Variants in CEP112 observed in about 807,000 individuals in gnomAD.
CEP112 encodes the protein centrosomal protein 112.
In CEP112, 127 loss-of-function variants were observed where a neutral mutation model predicts 153.0. That is an observed-to-expected ratio of 0.83 (90% confidence interval 0.72 to 0.96). The LOEUF (loss-of-function observed/expected upper bound fraction) is 0.96, where lower values mean the gene tolerates loss of function less well. CEP112 is among the 40% of genes least tolerant of loss of function. The pLI is 0.00. For synonymous variants in CEP112, 358 were observed against 374.4 expected (o/e 0.96, Z 0.51); for missense variants, 1,089 against 1,101.2 (o/e 0.99, Z 0.16).
At chr17:65,816,844 GTT>G (rs1053816761) in intron 21 of CEP112, among the ~76,000 whole-genome samples, 1 of 151,930 alleles carries the variant, frequency 6.6e-6, no homozygotes. Flanking sequence ...TTCTGAAACA[GTT>G]TGTGTTGAAA....
rs534237329 is a variant in CEP112 at position 66,101,070 on chromosome 17, G to A, written c.643-4438C>T. ...TGAATAAAATCCGATGTGATATGCC[G>A]AATATCTTTCAGAGTATAATATAAA... On this transcript the variant is annotated intron_variant, in intron 6 of 26. Coordinates refer to ENST00000535342, the MANE Select transcript of CEP112 (RefSeq NM_001199165.4). Among the ~76,000 whole-genome samples the A allele has an allele frequency of 4.3e-4, 66 of 152,114 alleles. 1 individual carries two copies. The highest frequency in any genetic ancestry group is 8.4e-4 in the African/African-American group (35 of 41,528).
At chr17:65,857,964 C>T (rs1483729280) in intron 20 of CEP112, among the ~76,000 whole-genome samples, 1 of 152,176 alleles carries the variant, frequency 6.6e-6, no homozygotes, top group East Asian at 1.9e-4. Flanking sequence ...TTTACAGAGT[C>T]AGTTTTGGTA....
At chr17:66,094,679 T>C (rs978824644) in intron 8 of CEP112, among the ~76,000 whole-genome samples, 2 of 151,856 alleles carry the variant, frequency 1.3e-5, no homozygotes, top group African/African-American at 4.8e-5. Flanking sequence ...AGCTTCTGCA[T>C]AGCAAAGGAA....
intron 24 of CEP112, among the ~76,000 whole-genome samples, chr17:65,654,388 C>T (rs1020475032): frequency 1.3e-5 from 2 of 152,304 alleles, no homozygotes; most frequent in South Asian, 2.1e-4. Flanking sequence ...TTCTAACTGG[C>T]GTCCTCTCAA....
chr17:66,133,279 G>GA (rs1268592367), intron 4 of CEP112, among the ~76,000 whole-genome samples: 2 of 152,092 alleles, frequency 1.3e-5, no homozygotes, highest in African/African-American at 4.8e-5. Flanking sequence ...TAAAAAGAGA[G>GA]AAAATGAAGC....
At chr17:66,104,949 T>A (rs2068720410) in intron 6 of CEP112, among the ~76,000 whole-genome samples, 1 of 152,158 alleles carries the variant, frequency 6.6e-6, no homozygotes, top group African/African-American at 2.4e-5. Flanking sequence ...GGTATAAAGG[T>A]CACTGGTTAT....
chr17:66,121,778 G>C (rs2069606709), intron 6 of CEP112, among the ~76,000 whole-genome samples: 1 of 151,576 alleles, frequency 6.6e-6, no homozygotes. Flanking sequence ...CTCCTGAGGA[G>C]CTGGAACTAT....
intron 1 of CEP112, among the ~76,000 whole-genome samples, chr17:66,189,571 T>G (rs1239125282): frequency 1.3e-5 from 2 of 151,562 alleles, no homozygotes; most frequent in Non-Finnish European, 2.9e-5. Context: ...CATGCAATAT[T>G]GAAGTATACA....
intron 24 of CEP112, among the ~76,000 whole-genome samples, chr17:65,641,886 T>C (rs1029422073): frequency 2.8e-4 from 43 of 152,118 alleles, no homozygotes; most frequent in African/African-American, 9.9e-4. Flanking sequence ...AGTAGACAGG[T>C]AGAGTGCACT....
At chr17:65,655,019 G>T (rs372261120) in intron 24 of CEP112, 2 of 685,852 alleles carry the variant, frequency 2.9e-6, no homozygotes, top group Non-Finnish European at 5.4e-6. Flanking sequence ...TATCATAAAT[G>T]CTTCCTCGGA....
intron 4 of CEP112, among the ~76,000 whole-genome samples, chr17:66,168,407 A>G (rs1010555972): frequency 7.8e-6 from 1 of 128,872 alleles, no homozygotes; most frequent in East Asian, 2.0e-4. Context: ...ATATATGTGT[A>G]TATGTGTGTG....
intron 21 of CEP112, among the ~76,000 whole-genome samples, chr17:65,841,171 T>A (rs1186885691): frequency 6.6e-6 from 1 of 151,674 alleles, no homozygotes; most frequent in Non-Finnish European, 1.5e-5. Context: ...AGAAAGGAAA[T>A]TAGTATACCA....
intron 21 of CEP112, among the ~76,000 whole-genome samples, chr17:65,849,477 AT>A (rs2057848247): frequency 6.6e-6 from 1 of 152,220 alleles, no homozygotes; most frequent in Non-Finnish European, 1.5e-5. Flanking sequence ...GAATATAAAA[AT>A]TCAGGTTTCT....
intron 4 of CEP112, among the ~76,000 whole-genome samples, chr17:66,133,947 C>G (rs1473584582): frequency 6.6e-6 from 1 of 150,874 alleles, no homozygotes; most frequent in Non-Finnish European, 1.5e-5. Context: ...TTTTAATACC[C>G]CTATTCAGTA....
intron 17 of CEP112, among the ~76,000 whole-genome samples, chr17:65,969,795 C>T (rs12939763): frequency 0.48 from 72,939 of 151,924 alleles, 18,485 homozygotes; most frequent in East Asian, 0.89. Context: ...TACATGCATG[C>T]GCATCACATG....
chr17:66,078,681 GT>G (rs2067603022), intron 8 of CEP112, among the ~76,000 whole-genome samples: 1 of 151,760 alleles, frequency 6.6e-6, no homozygotes, highest in Non-Finnish European at 1.5e-5. Flanking sequence ...TTTAATTTTT[GT>G]TTTTGTTTTT....
intron 21 of CEP112, among the ~76,000 whole-genome samples, chr17:65,815,815 T>C (rs1245335963): frequency 6.6e-6 from 1 of 152,136 alleles, no homozygotes; most frequent in Non-Finnish European, 1.5e-5. Flanking sequence ...AAAATATAAC[T>C]GATTTTGCAT....
intron 24 of CEP112, among the ~76,000 whole-genome samples, chr17:65,646,960 GC>G (rs1331960212): frequency 1.3e-5 from 2 of 152,256 alleles, no homozygotes; most frequent in East Asian, 3.9e-4. Flanking sequence ...TAAAATTTTA[GC>G]TTACTACAGA....
chr17:65,913,402 C>CA (rs1174583828), intron 19 of CEP112: 1 of 677,510 alleles, frequency 1.5e-6, no homozygotes, highest in African/African-American at 2.0e-5. Context: ...TCCTTGGAGT[C>CA]AGAGTAAAGA....
Sources: gnomAD v4.1 joint callset for allele counts (sites outside exome capture counted in the v4.1 genomes callset) on GRCh38, gnomAD v4.1.1 for gene constraint, MANE v1.5 for transcripts, NCBI Gene and HGNC (gene_info 2026-07-23, HGNC 2026-07-21) for gene names.